Variants in PAPPA observed in about 807,000 individuals in gnomAD.
The protein encoded by PAPPA is pappalysin-1.
In PAPPA, 60 loss-of-function variants were observed where a neutral mutation model predicts 164.0. The observed-to-expected ratio is 0.37, with a 90% CI of 0.30 to 0.45. The LOEUF is 0.45. Ranked by LOEUF, PAPPA falls within the 20% of genes least tolerant of loss-of-function variation. PAPPA has a pLI of 1.00. For synonymous variants in PAPPA, 875 were observed against 814.1 expected (o/e 1.07, Z -1.27); for missense variants, 1,782 against 2,087.3 (o/e 0.85, Z 2.85).
intron 21 of PAPPA, among the ~76,000 whole-genome samples, chr9:116,387,449 C>A (rs1049989789): frequency 2.6e-5 from 4 of 152,184 alleles, no homozygotes; most frequent in African/African-American, 9.7e-5. Flanking sequence ...TGGCTCACTT[C>A]AGCCTCAACC....
At chr9:116,215,710 T>A (rs1413306504) in intron 4 of PAPPA, among the ~76,000 whole-genome samples, 1 of 152,170 alleles carries the variant, frequency 6.6e-6, no homozygotes, top group African/African-American at 2.4e-5. Context: ...TTTACCTATG[T>A]AAGAAATCTG....
At chr9:116,333,079 G>A (rs1445447208) in intron 12 of PAPPA, among the ~76,000 whole-genome samples, 1 of 152,034 alleles carries the variant, frequency 6.6e-6, no homozygotes, top group Non-Finnish European at 1.5e-5. Flanking sequence ...GGAGGACAAG[G>A]GCTGGACTTG....
chr9:116,291,153 T>C (rs939357220), intron 9 of PAPPA, among the ~76,000 whole-genome samples: 7 of 152,290 alleles, frequency 4.6e-5, no homozygotes, highest in Middle Eastern at 3.4e-3. Context: ...CAAATTACTA[T>C]ACTAAATTTA....
At chr9:116,315,119 T>C (rs150625415) in intron 10 of PAPPA, among the ~76,000 whole-genome samples, 2 of 152,314 alleles carry the variant, frequency 1.3e-5, no homozygotes, top group Admixed American at 1.3e-4. Context: ...TATAAATCGG[T>C]GTCTACAAGT....
At chr9:116,262,448 A>G (rs1022538374) in intron 7 of PAPPA, among the ~76,000 whole-genome samples, 5 of 152,346 alleles carry the variant, frequency 3.3e-5, no homozygotes, top group South Asian at 2.1e-4. Context: ...TTAGTTCCAA[A>G]GAAAGAGTAA....
intron 2 of PAPPA, among the ~76,000 whole-genome samples, 191 bp from the exon 3 acceptor site, chr9:116,207,265 C>A (rs529143554): frequency 6.6e-6 from 1 of 152,108 alleles, no homozygotes; most frequent in Non-Finnish European, 1.5e-5. Context: ...CTAAAACTCT[C>A]GAGAACTTAA....
At chr9:116,332,035 T>A (rs1483898683) in intron 11 of PAPPA, among the ~76,000 whole-genome samples, 2 of 151,524 alleles carry the variant, frequency 1.3e-5, no homozygotes, top group African/African-American at 4.9e-5. Flanking sequence ...GATTTTTTTA[T>A]TTTTTTTTAA....
intron 9 of PAPPA, among the ~76,000 whole-genome samples, chr9:116,279,064 A>T (rs755958738): frequency 2.6e-5 from 4 of 152,224 alleles, no homozygotes; most frequent in Non-Finnish European, 5.9e-5. Flanking sequence ...CAAAATGATC[A>T]AACCTCCTAG....
At chr9:116,220,943 C>T (rs964051490) in intron 5 of PAPPA, among the ~76,000 whole-genome samples, 2 of 146,204 alleles carry the variant, frequency 1.4e-5, no homozygotes, top group Non-Finnish European at 3.0e-5. Context: ...AATTTTTGCA[C>T]CAAATGTTTT....
At chr9:116,378,381 CT>C (rs1159053298) in intron 20 of PAPPA, among the ~76,000 whole-genome samples, 1 of 152,166 alleles carries the variant, frequency 6.6e-6, no homozygotes, top group Non-Finnish European at 1.5e-5. Flanking sequence ...CACTCTGCCC[CT>C]TGTGGCTCTT....
intron 1 of PAPPA, among the ~76,000 whole-genome samples, chr9:116,167,397 T>G (rs537488936): frequency 6.6e-6 from 1 of 152,328 alleles, no homozygotes; most frequent in Non-Finnish European, 1.5e-5. Flanking sequence ...ATATTTTAAT[T>G]TATTCTGAAA....
At chr9:116,285,167 C>CTTT (rs1177249949) in intron 9 of PAPPA, among the ~76,000 whole-genome samples, 1 of 90,096 alleles carries the variant, frequency 1.1e-5, no homozygotes, top group African/African-American at 4.3e-5. Context: ...TCTTTTCTTT[C>CTTT]TTTCTTTTTT....
At chr9:116,373,246 T>G (rs1846599312) in intron 19 of PAPPA, 1 of 152,034 alleles carries the variant, frequency 6.6e-6, no homozygotes, top group Non-Finnish European at 1.5e-5. Context: ...CGCTCATACA[T>G]TCGTTCATTT....
At chr9:116,254,508 C>T (rs1844897750) in intron 7 of PAPPA, among the ~76,000 whole-genome samples, 2 of 152,210 alleles carry the variant, frequency 1.3e-5, no homozygotes, top group South Asian at 4.2e-4. Context: ...AAGGGCCGGG[C>T]GCGGTGGCTC....
chr9:116,299,341 A>G (rs957849604), intron 9 of PAPPA, among the ~76,000 whole-genome samples: 1 of 152,018 alleles, frequency 6.6e-6, no homozygotes, highest in African/African-American at 2.4e-5. Flanking sequence ...ACCTGCCTGT[A>G]TACCTGTTTA....
intron 10 of PAPPA, among the ~76,000 whole-genome samples, chr9:116,325,208 T>C (rs1464919851): frequency 2.0e-5 from 3 of 152,172 alleles, no homozygotes; most frequent in Non-Finnish European, 4.4e-5. Flanking sequence ...GATATACAAC[T>C]GGATTTAGGA....
chr9:116,225,806 TATCCATCCATCCATCC>T (rs376275323), intron 5 of PAPPA, among the ~76,000 whole-genome samples: 16 of 151,420 alleles, frequency 1.1e-4, no homozygotes, highest in South Asian at 2.1e-4. Flanking sequence ...AAGTGACTGG[TATCCATCCATCCATCC>T]ATCCATCCAT....
At chr9:116,201,074 T>G (rs1012215317) in intron 2 of PAPPA, among the ~76,000 whole-genome samples, 6 of 152,196 alleles carry the variant, frequency 3.9e-5, no homozygotes, top group Non-Finnish European at 7.3e-5. Context: ...TTTTATAGAC[T>G]GGAGAGGCAG....
At chr9:116,208,970 T>A (rs1466741666) in intron 3 of PAPPA, among the ~76,000 whole-genome samples, 1 of 152,138 alleles carries the variant, frequency 6.6e-6, no homozygotes, top group Non-Finnish European at 1.5e-5. Flanking sequence ...TTTTTGCTTC[T>A]TACAAATGGG....
Sources: gnomAD v4.1 joint callset for allele counts (sites outside exome capture counted in the v4.1 genomes callset) on GRCh38, gnomAD v4.1.1 for gene constraint, MANE v1.5 for transcripts, NCBI Gene and HGNC (gene_info 2026-07-23, HGNC 2026-07-21) for gene names.